STPG2: variants seen among roughly 807,000 people sequenced by gnomAD.
STPG2 encodes sperm-tail PG-rich repeat-containing protein 2.
A neutral mutation model predicts 54.2 loss-of-function variants in STPG2; 56 were observed. That is an observed-to-expected ratio of 1.03 (90% CI 0.83 to 1.29). The LOEUF is 1.29. Among genes scored for constraint, STPG2 ranks in the 50% most tolerant of loss-of-function variants. The pLI is 0.00. For missense variants in STPG2, 596 were observed against 544.9 expected, an observed-to-expected ratio of 1.09 and a Z score of -0.93; for synonymous variants, 200 against 181.8, an observed-to-expected ratio of 1.10 and a Z score of -0.81.
At chr4:97,506,019 C>CAAAAAAAAAAAA (rs59206485) in intron 4 of STPG2, among the ~76,000 whole-genome samples, 1 of 16,922 alleles carries the variant, frequency 5.9e-5, no homozygotes, top group Non-Finnish European at 1.2e-4. Context: ...AATAGGAGAC[C>CAAAAAAAAAAAA]AAAAAAAAAA....
At chr4:98,085,573 T>C (rs924339607) in intron 5 of STPG2, among the ~76,000 whole-genome samples, 4 of 152,074 alleles carry the variant, frequency 2.6e-5, no homozygotes, top group African/African-American at 9.6e-5. Flanking sequence ...CTCTCAGCAA[T>C]GTTTTATACT....
chr4:97,705,206 T>C (rs146792884), intron 10 of STPG2, among the ~76,000 whole-genome samples: 482 of 152,286 alleles, frequency 3.2e-3, no homozygotes, highest in Non-Finnish European at 5.1e-3. Context: ...TGACTTTGCA[T>C]ATACTGTTTC....
At chr4:97,675,932 A>G (rs1015588736) in intron 10 of STPG2, among the ~76,000 whole-genome samples, 1 of 146,788 alleles carries the variant, frequency 6.8e-6, no homozygotes, top group African/African-American at 2.5e-5. Context: ...ACATATATGT[A>G]TATGCTATAT....
chr4:98,084,814 C>A (rs1408619862), intron 5 of STPG2, among the ~76,000 whole-genome samples: 1 of 152,022 alleles, frequency 6.6e-6, no homozygotes, highest in Non-Finnish European at 1.5e-5. Flanking sequence ...TCTTAGTCTT[C>A]GTATTGAGTT....
At chr4:97,941,076 C>A (rs754912937) in intron 8 of STPG2, among the ~76,000 whole-genome samples, 1 of 151,978 alleles carries the variant, frequency 6.6e-6, no homozygotes, top group Non-Finnish European at 1.5e-5. Flanking sequence ...AGAGGGAGAA[C>A]TCTATATCCA....
chr4:97,605,989 A>C (rs1200667193), intron 10 of STPG2, among the ~76,000 whole-genome samples: 1 of 151,852 alleles, frequency 6.6e-6, no homozygotes, highest in African/African-American at 2.4e-5. Flanking sequence ...TGGAATTTTT[A>C]GATCTAATTT....
At chr4:97,894,160 G>T (rs1290026042) in intron 8 of STPG2, among the ~76,000 whole-genome samples, 1 of 151,856 alleles carries the variant, frequency 6.6e-6, no homozygotes, top group Non-Finnish European at 1.5e-5. Context: ...ATTTGTGGTA[G>T]GAATGAATCC....
intron 10 of STPG2, among the ~76,000 whole-genome samples, chr4:97,582,378 G>T (rs1430703912): frequency 2.0e-5 from 3 of 151,762 alleles, no homozygotes; most frequent in Non-Finnish European, 4.4e-5. Context: ...CACTTTTTTG[G>T]TAAAAATGTC....
chr4:97,707,712 T>TA (rs1283474235), intron 10 of STPG2, among the ~76,000 whole-genome samples: 2 of 151,988 alleles, frequency 1.3e-5, no homozygotes, highest in African/African-American at 4.8e-5. Flanking sequence ...ATAAAGATGA[T>TA]AGTCCAAATT....
intron 4 of STPG2, among the ~76,000 whole-genome samples, chr4:97,515,806 ATG>A (rs1184570482): frequency 2.0e-5 from 3 of 150,966 alleles, no homozygotes; most frequent in South Asian, 2.1e-4. Flanking sequence ...TTATGTGTGT[ATG>A]TGTGTGTGTA....
At chr4:97,527,480 T>C (rs748225719) in intron 4 of STPG2, among the ~76,000 whole-genome samples, 5 of 152,132 alleles carry the variant, frequency 3.3e-5, no homozygotes, top group East Asian at 1.9e-4. Flanking sequence ...TGTATCTTCA[T>C]AGTAGAATGA....
At chr4:97,796,650 G>T (rs913947206) in intron 9 of STPG2, among the ~76,000 whole-genome samples, 1 of 152,120 alleles carries the variant, frequency 6.6e-6, no homozygotes, top group Non-Finnish European at 1.5e-5. Context: ...CTCCAGCTTT[G>T]TTCTTTTGGC....
At chr4:97,977,587 C>T (rs2149260841) in intron 6 of STPG2, among the ~76,000 whole-genome samples, 1 of 152,236 alleles carries the variant, frequency 6.6e-6, no homozygotes, top group Admixed American at 6.5e-5. Context: ...CTCAGGGCTC[C>T]AAGACCAACT....
In STPG2 at chr4:97,816,068, C is replaced by T. The variant is rs184866706; in HGVS notation, c.1204+24705G>A. Among the ~76,000 whole-genome samples the T allele has an allele frequency of 2.8e-3, 427 of 152,152 alleles. 4 individuals are homozygous for T. The highest frequency in any genetic ancestry group is 9.4e-3 in the African/African-American group (391 of 41,518). ...CCAACAGGCCTCAGTGTGTGGTGCT[C>T]CCCTCCCTGTGTCCATGTGTTCTCA... is the stretch of plus-strand genomic sequence containing the variant. On this transcript the variant is annotated intron_variant, in intron 9 of 10. Coordinates refer to ENST00000295268, the MANE Select transcript of STPG2 (RefSeq NM_174952.3).
In STPG2 at chr4:97,462,642, T is replaced by A. The variant is rs142280056; in HGVS notation, c.462+250057A>T. 4.2e-3 allele frequency among the ~76,000 whole-genome samples: 636 copies of A among 151,312 alleles called. 3 individuals are homozygous for A. The highest frequency in any genetic ancestry group is 0.02 in the South Asian group (98 of 4,814). On this transcript the variant is annotated intron_variant, in intron 4 of 4. Transcript: ENST00000522676. ...CATCTTTTGTTAGTTCTTTTTGGTA[T>A]TTTTTTTTATATCATTGGCATGACA...
intron 5 of STPG2, among the ~76,000 whole-genome samples, chr4:97,988,893 C>T (rs1255930126): frequency 6.6e-6 from 1 of 152,134 alleles, no homozygotes; most frequent in African/African-American, 2.4e-5. Context: ...GGATTACAGG[C>T]GTGAGCCACT....
At chr4:97,664,961 C>A (rs145473169) in intron 10 of STPG2, among the ~76,000 whole-genome samples, 1 of 152,056 alleles carries the variant, frequency 6.6e-6, no homozygotes, top group African/African-American at 2.4e-5. Context: ...AGGCTGGCTG[C>A]GGCAGGGTGG....
intron 5 of STPG2, among the ~76,000 whole-genome samples, chr4:98,046,945 C>T (rs1225854246): frequency 6.6e-6 from 1 of 152,168 alleles, no homozygotes; most frequent in Non-Finnish European, 1.5e-5. Flanking sequence ...TACAAATAGC[C>T]TGTTTCATCA....
chr4:97,915,703 T>C (rs1175026972), intron 8 of STPG2, among the ~76,000 whole-genome samples: 1 of 152,020 alleles, frequency 6.6e-6, no homozygotes, highest in Non-Finnish European at 1.5e-5. Context: ...GTTCAGTACA[T>C]ACTTAGGGCC....
Sources: gnomAD v4.1 joint callset for allele counts (sites outside exome capture counted in the v4.1 genomes callset) on GRCh38, gnomAD v4.1.1 for gene constraint, MANE v1.5 for transcripts, NCBI Gene and HGNC (gene_info 2026-07-23, HGNC 2026-07-21) for gene names.